Variants in CNIH3 observed in about 807,000 individuals in gnomAD.
The protein encoded by CNIH3 is cornichon family AMPA receptor auxiliary protein 3, also known as protein cornichon homolog 3.
In CNIH3, 14 loss-of-function variants were observed where a neutral mutation model predicts 24.1. The observed-to-expected ratio is 0.58, with a 90% confidence interval of 0.38 to 0.91. The LOEUF (loss-of-function observed/expected upper bound fraction) is 0.91. CNIH3 is among the 40% of genes least tolerant of loss of function. The pLI is 0.00. For synonymous variants in CNIH3, 68 were observed against 73.8 expected (o/e 0.92, Z 0.40); for missense variants, 178 against 196.8 (o/e 0.90, Z 0.57).
In CNIH3 at chr1:224,584,204, C is replaced by T. The variant is rs1572524233; in HGVS notation, n.620+937C>T. On this transcript the variant is annotated intron_variant and non_coding_transcript_variant, in intron 5 of 5. Coordinates refer to the CNIH3 transcript ENST00000471578. ...TCAGCTTGAGTTTTGTTCAATTCTG[C>T]TCTTTAAAAGAAAGTTACAATACAC... is the stretch of plus-strand genomic sequence containing the variant. Among the ~76,000 whole-genome samples, 2 of 152,272 alleles carry T rather than the reference C, an allele frequency of 1.3e-5. 1 individual carries two copies. The highest frequency in any genetic ancestry group is 6.8e-3 in the Middle Eastern group (2 of 294).
chr1:224,688,431 C>G (rs140119217), intron 3 of CNIH3, among the ~76,000 whole-genome samples: 2 of 152,244 alleles, frequency 1.3e-5, no homozygotes, highest in Non-Finnish European at 1.5e-5. Flanking sequence ...TTGTTTCATT[C>G]ACTGTCATGG....
Position 224,616,983 on chromosome 1 carries a change from C to G in CNIH3, c.-192C>G, listed in dbSNP as rs1174837374. ...TTCGCCGGAGGGCCGGGTCTGGGGT[C>G]GCCGGAGCCTGCGGGAATCCAGCGC... is the stretch of plus-strand genomic sequence containing the variant. On this transcript the variant is annotated 5_prime_UTR_variant, in exon 1 of 6. Coordinates refer to ENST00000272133, the MANE Select transcript of CNIH3 (RefSeq NM_152495.2). 1 of 1,413,522 alleles carries G rather than the reference C, an allele frequency of 7.1e-7. No homozygotes were observed. The highest frequency in any genetic ancestry group is 1.4e-5 in the African/African-American group (1 of 69,062). 87.6% of individuals were successfully genotyped at this position (1,413,522 alleles called of 1,614,324 possible).
intron 1 of CNIH3, chr1:224,435,919 A>G (rs1674640262): frequency 6.6e-6 from 1 of 152,222 alleles, no homozygotes; most frequent in South Asian, 2.1e-4. Flanking sequence ...AAAACACCTT[A>G]GTTTCTAATT....
At chr1:224,539,548 G>A (rs973798431), downstream of CNIH3, among the ~76,000 whole-genome samples, 3 of 152,156 alleles carry the variant, frequency 2.0e-5, no homozygotes, top group Non-Finnish European at 4.4e-5. Context: ...TGCTCTCCAA[G>A]ATACGTGGTT....
intron 1 of CNIH3, among the ~76,000 whole-genome samples, chr1:224,477,164 C>T (rs1003828578): frequency 6.6e-6 from 1 of 152,216 alleles, no homozygotes; most frequent in Non-Finnish European, 1.5e-5. Flanking sequence ...TTTTTGGCAT[C>T]TCAGGGAGCC....
At position 224,651,849 on chromosome 1, in the gene CNIH3, G is replaced by C. The variant is rs563372764; in HGVS notation, c.82-29109G>C. 9.2e-5 allele frequency among the ~76,000 whole-genome samples: 14 copies of C among 152,262 alleles called. 1 individual carries two copies. The Middle Eastern group carries it at 0.02, about 222-fold the overall frequency. On this transcript the variant is annotated intron_variant, in intron 1 of 5. Coordinates refer to ENST00000272133, the MANE Select transcript of CNIH3 (RefSeq NM_152495.2). ...CAATGGGATAAATCCTCAGGGAATT[G>C]CTAAGTGAAGGATATGTGTATTTTC...
chr1:224,723,718 G>C (rs1437211907), intron 3 of CNIH3, among the ~76,000 whole-genome samples: 5 of 152,202 alleles, frequency 3.3e-5, no homozygotes. Context: ...AAAATAATCT[G>C]CTACTGGTTT....
chr1:224,676,122 G>A (rs1025069093), intron 1 of CNIH3, among the ~76,000 whole-genome samples: 6 of 152,146 alleles, frequency 3.9e-5, no homozygotes, highest in African/African-American at 1.2e-4. Context: ...TAAATAAACC[G>A]TAGTTCGTTT....
Position 224,616,857 on chromosome 1 carries a change from CACA to C in CNIH3, c.-317_-315del. The C allele has an allele frequency of 7.6e-6, 9 of 1,192,010 alleles. No individual in the cohort carries two copies. In the South Asian group the frequency reaches 1.5e-4, roughly 19 times the overall value. 73.8% of individuals were successfully genotyped at this position (1,192,010 alleles called of 1,614,324 possible). A position where few individuals can be genotyped will look rare whatever the true frequency, so the allele number is the denominator to read the frequency against. The stretch of plus-strand genomic sequence containing the variant: ...CTTGTCGTGTTGGTCTCGAGGGGCT[CACA>C]GCTTGGCACTAATTTGCAGGTGTTC... On this transcript the variant is annotated 5_prime_UTR_variant, in exon 1 of 6. Transcript: ENST00000272133.
At chr1:224,550,509 G>C (rs1353791820) in intron 3 of CNIH3, among the ~76,000 whole-genome samples, 1 of 152,198 alleles carries the variant, frequency 6.6e-6, no homozygotes. Flanking sequence ...AGAAATATGA[G>C]AGCGATGTTA....
chr1:224,590,876 T>A (rs1182843452), downstream of CNIH3, among the ~76,000 whole-genome samples: 10 of 141,156 alleles, frequency 7.1e-5, no homozygotes, highest in Admixed American at 7.0e-4. Flanking sequence ...CAGAGCCTGG[T>A]CACACTTCTG....
At chr1:224,707,088 T>G (rs1324294332) in intron 3 of CNIH3, among the ~76,000 whole-genome samples, 3 of 150,556 alleles carry the variant, frequency 2.0e-5, no homozygotes, top group East Asian at 4.0e-4. Flanking sequence ...CTCAGCCTCC[T>G]GAGTAGCTGG....
chr1:224,579,800 A>G, intron 4 of CNIH3, among the ~76,000 whole-genome samples: 1 of 152,174 alleles, frequency 6.6e-6, no homozygotes, highest in East Asian at 1.9e-4. Context: ...TGAGCTTTGC[A>G]CAGACCAGCT....
chr1:224,464,299 A>C (rs1267452617), intron 1 of CNIH3, among the ~76,000 whole-genome samples: 1 of 151,244 alleles, frequency 6.6e-6, no homozygotes, highest in Non-Finnish European at 1.5e-5. Flanking sequence ...CTCTATTTTG[A>C]ATTGATTTTT....
At chr1:224,451,606 T>C (rs1053290238) in intron 1 of CNIH3, among the ~76,000 whole-genome samples, 7 of 152,202 alleles carry the variant, frequency 4.6e-5, no homozygotes, top group Non-Finnish European at 8.8e-5. Flanking sequence ...AGAAAACTTA[T>C]TCACCCATAT....
At chr1:224,598,489 C>T (rs922298631) in intron 3 of CNIH3, among the ~76,000 whole-genome samples, 12 of 152,020 alleles carry the variant, frequency 7.9e-5, no homozygotes, top group Non-Finnish European at 1.6e-4. Context: ...AAGAATTGAC[C>T]CCAATTTTAA....
chr1:224,445,794 T>G (rs1675136800), intron 1 of CNIH3, among the ~76,000 whole-genome samples: 3 of 152,174 alleles, frequency 2.0e-5, no homozygotes, highest in African/African-American at 7.2e-5. Flanking sequence ...TTGTGCTTTT[T>G]GTGTTTTACT....
upstream of CNIH3, among the ~76,000 whole-genome samples, chr1:224,512,830 G>A (rs1357964326): frequency 1.3e-5 from 2 of 152,134 alleles, no homozygotes; most frequent in East Asian, 1.9e-4. Flanking sequence ...ATCTTCCCAC[G>A]TGTATAGGGG....
At chr1:224,694,080 G>A (rs1022799775) in intron 3 of CNIH3, among the ~76,000 whole-genome samples, 25 of 152,254 alleles carry the variant, frequency 1.6e-4, no homozygotes, top group Non-Finnish European at 1.5e-4. Flanking sequence ...TGGATCTGTG[G>A]AGGAGGAGAG....
Sources: gnomAD v4.1 joint callset for allele counts (sites outside exome capture counted in the v4.1 genomes callset) on GRCh38, gnomAD v4.1.1 for gene constraint, MANE v1.5 for transcripts, NCBI Gene and HGNC (gene_info 2026-07-23, HGNC 2026-07-21) for gene names.